The following CDH9 variants were observed in gnomAD, a reference collection of about 807,000 sequenced individuals.
CDH9 encodes cadherin 9.
A neutral mutation model predicts 70.9 loss-of-function variants in CDH9; 28 were observed. The observed-to-expected ratio is 0.40, with a 90% confidence interval of 0.29 to 0.54. The LOEUF (loss-of-function observed/expected upper bound fraction) is 0.54, where lower values mean the gene tolerates loss of function less well. Ranked by LOEUF, CDH9 falls within the 20% of genes least tolerant of loss-of-function variation. The pLI, the probability that CDH9 is intolerant of heterozygous loss-of-function variation, is 0.59. For synonymous variants in CDH9, 409 were observed against 343.1 expected (o/e 1.19, Z -2.12); for missense variants, 874 against 984.4 (o/e 0.89, Z 1.50).
intron 2 of CDH9, among the ~76,000 whole-genome samples, chr5:26,929,776 T>C (rs1219484817): frequency 6.6e-6 from 1 of 152,028 alleles, no homozygotes; most frequent in East Asian, 1.9e-4. Context: ...ATTTATTTGT[T>C]AGATCTCTAA....
chr5:26,914,536 C>T (rs1006636115), intron 3 of CDH9, among the ~76,000 whole-genome samples: 20 of 151,966 alleles, frequency 1.3e-4, no homozygotes, highest in African/African-American at 4.8e-4. Context: ...AGAGTGAATA[C>T]CTGAAAGTGC....
intron 1 of CDH9, among the ~76,000 whole-genome samples, chr5:27,013,148 T>C (rs1266300372): frequency 6.6e-6 from 1 of 151,896 alleles, no homozygotes; most frequent in Non-Finnish European, 1.5e-5. Flanking sequence ...CCCAACTCAA[T>C]GTAAATGGTC....
chr5:26,927,738 A>C (rs1298079696), intron 2 of CDH9, among the ~76,000 whole-genome samples: 1 of 151,994 alleles, frequency 6.6e-6, no homozygotes, highest in Non-Finnish European at 1.5e-5. Flanking sequence ...CTAGATATGG[A>C]CTCTGCCCTT....
intron 9 of CDH9, among the ~76,000 whole-genome samples, chr5:26,888,621 A>G (rs1206481005): frequency 6.6e-6 from 1 of 152,182 alleles, no homozygotes; most frequent in Non-Finnish European, 1.5e-5. Context: ...GCATTTTTGT[A>G]TATGTAGGTG....
chr5:26,954,388 C>CTTTCTTTTTT (rs560729532), intron 2 of CDH9, among the ~76,000 whole-genome samples: 1 of 93,056 alleles, frequency 1.1e-5, no homozygotes, highest in African/African-American at 4.7e-5. Flanking sequence ...TACAGCCTTT[C>CTTTCTTTTTT]TTTTTTTTTT....
At chr5:27,034,130 T>G (rs1349257740) in intron 1 of CDH9, among the ~76,000 whole-genome samples, 2 of 151,762 alleles carry the variant, frequency 1.3e-5, no homozygotes. Flanking sequence ...GATAAATGTT[T>G]CTTTCAACAT....
intron 2 of CDH9, among the ~76,000 whole-genome samples, chr5:26,926,916 A>AGCC (rs1554037340): frequency 1.0e-5 from 1 of 96,638 alleles, no homozygotes. Flanking sequence ...GCAAAAATAC[A>AGCC]GCCCCCCCCC....
intron 1 of CDH9, among the ~76,000 whole-genome samples, chr5:27,020,240 T>C (rs896358070): frequency 6.6e-6 from 1 of 151,770 alleles, no homozygotes; most frequent in Admixed American, 6.6e-5. Context: ...AAAATGGTTG[T>C]TTGTTTCCAA....
chr5:26,885,855 T>C lies in CDH9; in HGVS notation c.1641A>G (p.Ala547=), dbSNP rs35328154. Residue 547 remains alanine (A), a synonymous_variant, in exon 11 of 12, where the codon GCA becomes GCG. Transcript: ENST00000231021. ...AGCCATCTTTCCGAGTCATGATTCC[T>C]GCTGTATTATCTGGGGGAGAAAACA... ...FTIVDNKDNT[A]GIMTRKDGYS... 6.2e-7 allele frequency: 1 copy of C among 1,613,918 alleles called. No homozygotes were observed. Among genetic ancestry groups the C allele is most frequent in the Non-Finnish European group, 8.5e-7 (1 of 1,179,896 alleles).
intron 1 of CDH9, among the ~76,000 whole-genome samples, chr5:27,009,211 T>C (rs1331103814): frequency 6.6e-6 from 1 of 152,148 alleles, no homozygotes; most frequent in Non-Finnish European, 1.5e-5. Flanking sequence ...AGTTTGTGTT[T>C]GGGTTGGAGG....
intron 2 of CDH9, among the ~76,000 whole-genome samples, chr5:26,919,049 C>T (rs1353707187): frequency 6.6e-6 from 1 of 152,110 alleles, no homozygotes; most frequent in Non-Finnish European, 1.5e-5. Context: ...GTGAAAATTC[C>T]TCCCACAGGA....
rs1163805294 is a variant in CDH9, at chr5:26,988,305, A to G, written c.29T>C (p.Phe10Ser). The change falls in exon 2 of 12, where the codon TTC becomes TCC. Residue 10 changes from phenylalanine to serine, a missense_variant. Phe to Ser is a radical substitution (Grantham distance 155, BLOSUM62 -2). Transcript: ENST00000231021. MRTYHYIPLFIWTYMFHTVD... is the reference protein window; with the variant it reads MRTYHYIPLSIWTYMFHTVD... ...TGTATGGAACATATAGGTCCAGATG[A>G]ATAATGGTATATAATGGTAAGTCCT... The G allele has an allele frequency of 6.2e-7, 1 of 1,613,092 alleles. No individual in the cohort carries two copies. Among genetic ancestry groups the G allele is most frequent in the Non-Finnish European group, 8.5e-7 (1 of 1,179,382 alleles).
At chr5:26,913,757 TTGTGTGTGTGTGTGTG>T (rs5866811) in intron 3 of CDH9, among the ~76,000 whole-genome samples, 2 of 145,446 alleles carry the variant, frequency 1.4e-5, no homozygotes, top group South Asian at 4.4e-4. Context: ...ACATATATGT[TTGTGTGTGTGTGTGTG>T]TGTGTGTGTG....
intron 2 of CDH9, among the ~76,000 whole-genome samples, chr5:26,974,814 TTGTG>T (rs35950930): frequency 6.7e-6 from 1 of 150,058 alleles, no homozygotes; most frequent in African/African-American, 2.4e-5. Flanking sequence ...AGTTACCCTT[TTGTG>T]TGTGTGTGTG....
At chr5:26,912,799 T>A (rs1344048529) in intron 3 of CDH9, among the ~76,000 whole-genome samples, 1 of 152,236 alleles carries the variant, frequency 6.6e-6, no homozygotes, top group African/African-American at 2.4e-5. Flanking sequence ...ACCCAAATCT[T>A]ATCTTGAATT....
At chr5:26,899,305 C>A (rs1173489474) in intron 7 of CDH9, among the ~76,000 whole-genome samples, 1 of 152,150 alleles carries the variant, frequency 6.6e-6, no homozygotes, top group Non-Finnish European at 1.5e-5. Flanking sequence ...TTTGACCCAG[C>A]AATCCCACTA....
chr5:26,977,906 G>C (rs1248639893), intron 2 of CDH9, among the ~76,000 whole-genome samples: 1 of 152,046 alleles, frequency 6.6e-6, no homozygotes, highest in Non-Finnish European at 1.5e-5. Flanking sequence ...AACATTAGTA[G>C]AGTAATAACT....
chr5:26,991,567 C>A (rs1742578894), intron 1 of CDH9, among the ~76,000 whole-genome samples: 1 of 152,148 alleles, frequency 6.6e-6, no homozygotes, highest in Non-Finnish European at 1.5e-5. Flanking sequence ...TCCTGAAATT[C>A]CTTACCTGGA....
chr5:26,961,336 G>A (rs138277868), intron 2 of CDH9, among the ~76,000 whole-genome samples: 2 of 152,084 alleles, frequency 1.3e-5, no homozygotes, highest in African/African-American at 4.8e-5. Context: ...ACCATATTGT[G>A]CACTAGATCT....
Sources: allele counts gnomAD v4.1 joint callset (sites outside exome capture counted in the v4.1 genomes callset), GRCh38; gene constraint gnomAD v4.1.1; transcripts MANE v1.5; gene names NCBI Gene and HGNC (gene_info 2026-07-23, HGNC 2026-07-21).